Variants in RASSF9 observed in about 807,000 individuals in gnomAD.
RASSF9 encodes Ras association domain family member 9, also known as ras association domain-containing protein 9.
In RASSF9, 18 loss-of-function variants were observed where a neutral mutation model predicts 21.4. The observed-to-expected ratio is 0.84, with a 90% CI of 0.58 to 1.25. RASSF9 has a LOEUF of 1.25. Among genes scored for constraint, RASSF9 ranks in the 50% most tolerant of loss-of-function variants. The probability of loss-of-function intolerance (pLI) is 0.00; values close to 1 mark genes in which losing one functional copy is unlikely to be tolerated. For synonymous variants in RASSF9, 183 were observed against 179.1 expected (o/e 1.02, Z -0.18); for missense variants, 480 against 503.2 (o/e 0.95, Z 0.44).
intron 1 of RASSF9, among the ~76,000 whole-genome samples, chr12:85,812,131 A>G (rs1459337841): frequency 6.6e-6 from 1 of 151,732 alleles, no homozygotes. Flanking sequence ...AATTGAATGA[A>G]AAGCAATTCA....
chr12:85,805,843 A>C lies in RASSF9; in HGVS notation c.167T>G (p.Leu56Trp). The C allele has an allele frequency of 6.2e-7, 1 of 1,613,980 alleles. No individual in the cohort carries two copies. The highest frequency in any genetic ancestry group is 1.1e-5 in the South Asian group (1 of 91,084). The change falls in exon 2 of 2, where the codon TTG becomes TGG. Residue 56 changes from leucine (L) to tryptophan (W), a missense_variant. By Grantham distance (61) the Leu-to-Trp change is moderately conservative. Transcript: ENST00000361228. ...AAACGTAGCCTCATGTTCCTCAAGC[A>C]AAGCCTGGATGACATCAGCAGAGGT... is the stretch of plus-strand genomic sequence containing the variant. ...RTTSADVIQA[L>W]LEEHEATFGE...
chr12:85,826,572 C>G (rs939336099), intron 1 of RASSF9, among the ~76,000 whole-genome samples: 3 of 140,074 alleles, frequency 2.1e-5, no homozygotes, highest in Non-Finnish European at 4.5e-5. Context: ...CTTAGCCTCC[C>G]GAGTAGCTGG....
At position 85,828,778 on chromosome 12, in the gene RASSF9, G is replaced by A. The variant is rs112579951; in HGVS notation, c.47+7377C>T. 9.9e-3 allele frequency among the ~76,000 whole-genome samples: 1,511 copies of A among 152,184 alleles called. 29 individuals are homozygous for A. The highest frequency in any genetic ancestry group is 0.034 in the African/African-American group (1,416 of 41,534). On this transcript the variant is annotated intron_variant, in intron 1 of 1. Transcript: ENST00000361228. ...TTTGTGGTCTACCTCTGTAATGTGCGTAGTTTCCTGCACTATTAACAAAGA... is the reference window on the plus strand; with the variant it reads ...TTTGTGGTCTACCTCTGTAATGTGCATAGTTTCCTGCACTATTAACAAAGA...
intron 1 of RASSF9, among the ~76,000 whole-genome samples, chr12:85,807,783 G>A (rs1879867707): frequency 6.6e-6 from 1 of 152,070 alleles, no homozygotes; most frequent in Admixed American, 6.6e-5. Flanking sequence ...AGTAAAAGAA[G>A]CAAAAATTCC....
Position 85,805,317 on chromosome 12 carries a change from A to G in RASSF9, c.693T>C (p.Val231=), listed in dbSNP as rs749374483. The G allele has an allele frequency of 2.5e-6, 4 of 1,613,396 alleles. No homozygotes were observed. In the African/African-American group the frequency reaches 4.0e-5, roughly 16 times the overall value. ...DRVENDGENY[V]QDAYLMPSFS... Reference sequence around the variant, plus strand: ...AACTGGGCATTAAATATGCATCCTGAACATAGTTTTCTCCATCATTTTCTA... The same window carrying G: ...AACTGGGCATTAAATATGCATCCTGGACATAGTTTTCTCCATCATTTTCTA... Residue 231 remains valine, a synonymous_variant, in exon 2 of 2, where the codon GTT becomes GTC. Transcript: ENST00000361228.
At chr12:85,824,999 C>T (rs1470354860) in intron 1 of RASSF9, among the ~76,000 whole-genome samples, 1 of 151,890 alleles carries the variant, frequency 6.6e-6, no homozygotes, top group Non-Finnish European at 1.5e-5. Flanking sequence ...AATGTGTGCT[C>T]ATTTATTTAT....
At chr12:85,814,578 C>A (rs1350839136) in intron 1 of RASSF9, among the ~76,000 whole-genome samples, 1 of 151,838 alleles carries the variant, frequency 6.6e-6, no homozygotes, top group African/African-American at 2.4e-5. Context: ...GCAAAAATAG[C>A]AAGCCAGGGA....
chr12:85,820,823 A>G (rs1880190441), intron 1 of RASSF9, among the ~76,000 whole-genome samples: 1 of 152,174 alleles, frequency 6.6e-6, no homozygotes, highest in Non-Finnish European at 1.5e-5. Flanking sequence ...TCAAAGCATG[A>G]TATGTTCCCC....
At chr12:85,806,045 T>C in intron 1 of RASSF9, 83 bp from the exon 2 acceptor site, 1 of 1,431,834 alleles carries the variant, frequency 7.0e-7, no homozygotes, top group Non-Finnish European at 9.4e-7. Flanking sequence ...GTATGCTTTC[T>C]AGATTTTTAC....
intron 1 of RASSF9, among the ~76,000 whole-genome samples, chr12:85,821,123 AC>A (rs1326277356): frequency 2.0e-5 from 3 of 152,148 alleles, no homozygotes; most frequent in Non-Finnish European, 4.4e-5. Context: ...CAGCCTGGCA[AC>A]AAAAAACAAA....
chr12:85,823,248 C>T (rs1880256404), intron 1 of RASSF9, among the ~76,000 whole-genome samples: 1 of 151,906 alleles, frequency 6.6e-6, no homozygotes, highest in East Asian at 1.9e-4. Flanking sequence ...TCCTCAGTAG[C>T]CACTTTTCTT....
In RASSF9 at chr12:85,810,275, G is replaced by A. The variant is rs772871576; in HGVS notation, c.48-4313C>T. ...AAGCACCTCTTCTGTGGCTGGCACT[G>A]TCATGGGAAATGTGTATGATACAAA... On this transcript the variant is annotated intron_variant, in intron 1 of 1. Coordinates refer to ENST00000361228, the MANE Select transcript of RASSF9 (RefSeq NM_005447.4). Among the ~76,000 whole-genome samples, 25 of 151,918 alleles carry A rather than the reference G, an allele frequency of 1.6e-4. 1 individual carries two copies. The highest frequency in any genetic ancestry group is 3.5e-4 in the Non-Finnish European group (24 of 67,858).
In RASSF9 at chr12:85,812,644, C is replaced by T. The variant is rs370843371; in HGVS notation, c.48-6682G>A. On this transcript the variant is annotated intron_variant, in intron 1 of 1. Transcript: ENST00000361228. ...ATAATACTGCAATATAGATGTCTGG[C>T]ATATTTCTGCAAATAAAAATAAGAG... is the stretch of plus-strand genomic sequence containing the variant. Among the ~76,000 whole-genome samples the T allele has an allele frequency of 2.6e-5, 4 of 151,098 alleles. No individual in the cohort carries two copies. The East Asian group carries it at 7.8e-4, about 29-fold the overall frequency.
At chr12:85,835,910 C>T (rs59041050) in intron 1 of RASSF9, among the ~76,000 whole-genome samples, 2 of 152,086 alleles carry the variant, frequency 1.3e-5, no homozygotes, top group Non-Finnish European at 2.9e-5. Flanking sequence ...AATATAATCA[C>T]TCTTTATTCT....
In RASSF9 at chr12:85,805,974, A is replaced by G. The variant is rs759997594; in HGVS notation, c.48-12T>C. The G allele has an allele frequency of 4.6e-5, 73 of 1,595,174 alleles. No homozygotes were observed. Among genetic ancestry groups the G allele is most frequent in the Non-Finnish European group, 5.0e-5 (58 of 1,169,880 alleles). On this transcript the variant is annotated splice_polypyrimidine_tract_variant and intron_variant, in intron 1 of 1. Transcript: ENST00000361228. ...CTTTAGTTGGAGATCTGAAAGAAAA[A>G]CAAAAGCACATTATATTTCTGTCAT... is the stretch of plus-strand genomic sequence containing the variant.
intron 1 of RASSF9, among the ~76,000 whole-genome samples, chr12:85,809,668 A>G (rs17346010): frequency 3.6e-5 from 5 of 139,178 alleles, no homozygotes; most frequent in East Asian, 2.1e-4. Flanking sequence ...GAATAGTAAT[A>G]ATGATGATGA....
Position 85,834,484 on chromosome 12 carries a change from T to G in RASSF9, c.47+1671A>C, listed in dbSNP as rs193282586. ...AGAGTAGATAGTAGAGTGGCAGAAC[T>G]GATGTAATGAAATTGAAGAATGCAC... On this transcript the variant is annotated intron_variant, in intron 1 of 1. Coordinates refer to ENST00000361228, the MANE Select transcript of RASSF9 (RefSeq NM_005447.4). Among the ~76,000 whole-genome samples, 311 of 152,212 alleles carry G rather than the reference T, an allele frequency of 2.0e-3. 2 individuals carry two copies. Among genetic ancestry groups the G allele is most frequent in the African/African-American group, 6.7e-3 (280 of 41,564 alleles).
chr12:85,821,931 A>G (rs1453673731), intron 1 of RASSF9, among the ~76,000 whole-genome samples: 1 of 152,224 alleles, frequency 6.6e-6, no homozygotes, highest in Non-Finnish European at 1.5e-5. Flanking sequence ...AAATGTAAAT[A>G]TTTAACATGT....
intron 1 of RASSF9, among the ~76,000 whole-genome samples, chr12:85,816,840 A>C (rs926846757): frequency 6.6e-6 from 1 of 152,170 alleles, no homozygotes; most frequent in Non-Finnish European, 1.5e-5. Context: ...TCTTATGCAA[A>C]TAAGTTACTG....
Sources: allele counts gnomAD v4.1 joint callset (sites outside exome capture counted in the v4.1 genomes callset), GRCh38; gene constraint gnomAD v4.1.1; transcripts MANE v1.5; gene names NCBI Gene and HGNC (gene_info 2026-07-23, HGNC 2026-07-21).